Variants in POFUT1 observed in about 807,000 individuals in gnomAD.
POFUT1 encodes the protein GDP-fucose protein O-fucosyltransferase 1.
Under a neutral mutation model 42.4 loss-of-function variants are expected in POFUT1, and 16 were observed. The ratio of observed to expected loss-of-function variants is 0.38; its 90% CI spans 0.26 to 0.57. The LOEUF is 0.57. Ranked by LOEUF, POFUT1 falls within the 20% of genes least tolerant of loss-of-function variation. The pLI, the probability that POFUT1 is intolerant of heterozygous loss-of-function variation, is 0.71. For synonymous variants in POFUT1, 206 were observed against 205.4 expected (o/e 1.00, Z -0.03); for missense variants, 470 against 504.6 (o/e 0.93, Z 0.66).
chr20:32,215,720 A>G (rs141599966), intron 3 of POFUT1, among the ~76,000 whole-genome samples: 3 of 152,312 alleles, frequency 2.0e-5, no homozygotes, highest in Admixed American at 1.3e-4. Context: ...GCCAGGTGAA[A>G]AAGTGCTTGT....
At chr20:32,233,188 T>G (rs1275221128) in intron 6 of POFUT1, among the ~76,000 whole-genome samples, 2 of 150,914 alleles carry the variant, frequency 1.3e-5, no homozygotes, top group African/African-American at 4.9e-5. Context: ...CACTAAGGAG[T>G]GGAAACTATA....
chr20:32,224,315 C>T (rs1158228475), intron 4 of POFUT1, among the ~76,000 whole-genome samples: 3 of 151,244 alleles, frequency 2.0e-5, no homozygotes, highest in East Asian at 3.9e-4. Flanking sequence ...TCACTTGAAC[C>T]TGGGAGGCGG....
At position 32,237,861 on chromosome 20, in the gene POFUT1, C is replaced by T. The variant is rs183492011; in HGVS notation, c.*3200C>T. On this transcript the variant is annotated 3_prime_UTR_variant, in exon 7 of 7. Transcript: ENST00000375749. Reference sequence around the variant, plus strand: ...GCCCTCCTCTCCCAAGAGACAAAGGCCATTGCATTGAAGGAGGTGGGAAAT... The same window carrying T: ...GCCCTCCTCTCCCAAGAGACAAAGGTCATTGCATTGAAGGAGGTGGGAAAT... 1.9e-6 allele frequency: 1 copy of T among 533,750 alleles called. No individual in the cohort carries two copies. Among genetic ancestry groups the T allele is most frequent in the Admixed American group, 1.9e-5 (1 of 51,476 alleles). 33.1% of individuals were successfully genotyped at this position (533,750 alleles called of 1,614,324 possible).
At position 32,216,680 on chromosome 20, in the gene POFUT1, C is replaced by G. The variant is rs1483185928; in HGVS notation, c.501C>G (p.Gly167=). 1 of 1,613,464 alleles carries G rather than the reference C, an allele frequency of 6.2e-7. No individual in the cohort carries two copies. The highest frequency in any genetic ancestry group is 8.5e-7 in the Non-Finnish European group (1 of 1,179,492). The change falls in exon 4 of 7, where the codon GGC becomes GGG. Residue 167 remains glycine, a synonymous_variant. Coordinates refer to ENST00000375749, the MANE Select transcript of POFUT1 (RefSeq NM_015352.2). ...VSFNKSELFT[G]ISFSASYREQ... ...TCAACAAGTCGGAGCTTTTTACAGG[C>G]ATTTCCTTCAGTGCTTCCTACAGAG...
intron 2 of POFUT1, among the ~76,000 whole-genome samples, chr20:32,211,878 C>T (rs2047331054): frequency 6.6e-6 from 1 of 152,224 alleles, no homozygotes; most frequent in East Asian, 1.9e-4. Flanking sequence ...GTCCCTGCTA[C>T]AATCTAACCT....
chr20:32,220,281 G>C (rs1279890223), intron 4 of POFUT1, among the ~76,000 whole-genome samples: 1 of 152,228 alleles, frequency 6.6e-6, no homozygotes, highest in African/African-American at 2.4e-5. Flanking sequence ...TCAGCTGTCA[G>C]CTAGGGCTCA....
At chr20:32,218,637 C>T (rs2047374720) in intron 4 of POFUT1, among the ~76,000 whole-genome samples, 1 of 152,158 alleles carries the variant, frequency 6.6e-6, no homozygotes, top group African/African-American at 2.4e-5. Flanking sequence ...GCATGGTTCT[C>T]CCCCATTCAC....
chr20:32,222,641 G>A (rs974013710), intron 4 of POFUT1: 4 of 985,270 alleles, frequency 4.1e-6, no homozygotes, highest in African/African-American at 1.7e-5. Context: ...AGGCTGCCAC[G>A]TATCCAGCTG....
intron 3 of POFUT1, among the ~76,000 whole-genome samples, chr20:32,216,026 G>A (rs1197618695): frequency 1.3e-5 from 2 of 152,178 alleles, no homozygotes; most frequent in African/African-American, 4.8e-5. Flanking sequence ...CTGCATCTCA[G>A]CAGGTAAATG....
In POFUT1 at chr20:32,234,584, C is replaced by T. The variant is rs1165070275; in HGVS notation, c.1090C>T (p.Arg364Trp). 7.4e-6 allele frequency: 12 copies of T among 1,614,010 alleles called. No individual in the cohort carries two copies. Among genetic ancestry groups the T allele is most frequent in the East Asian group, 2.2e-5 (1 of 44,900 alleles). The stretch of plus-strand genomic sequence containing the variant: ...CTCCTCCTTCACTGCCTTTGTGAAG[C>T]GGGAGCGGGACCTCCAGGGGAGGCC... Reference protein sequence around the residue: ...CVSSFTAFVKRERDLQGRPSS... With the variant: ...CVSSFTAFVKWERDLQGRPSS... Residue 364 changes from arginine to tryptophan, a missense_variant, in exon 7 of 7, where the codon CGG becomes TGG. Coordinates refer to ENST00000375749, the MANE Select transcript of POFUT1 (RefSeq NM_015352.2).
chr20:32,211,519 C>T (rs1430112759), intron 2 of POFUT1, among the ~76,000 whole-genome samples: 1 of 152,144 alleles, frequency 6.6e-6, no homozygotes, highest in Non-Finnish European at 1.5e-5. Context: ...ATGTGCCTGC[C>T]TTGGCCTCCC....
chr20:32,216,205 G>A (rs1471003972), intron 3 of POFUT1, among the ~76,000 whole-genome samples: 1 of 152,180 alleles, frequency 6.6e-6, no homozygotes, highest in Non-Finnish European at 1.5e-5. Context: ...TGCCCTTACT[G>A]GCTGTGTAAC....
intron 1 of POFUT1, 101 bp from the exon 2 acceptor site, chr20:32,209,970 C>A: frequency 7.7e-7 from 1 of 1,306,232 alleles, no homozygotes; most frequent in Non-Finnish European, 1.1e-6. Flanking sequence ...TCCTTGGTAT[C>A]CCTGACTTTC....
At chr20:32,227,660 G>T (rs1319791388) in intron 4 of POFUT1, among the ~76,000 whole-genome samples, 1 of 152,248 alleles carries the variant, frequency 6.6e-6, no homozygotes, top group African/African-American at 2.4e-5. Flanking sequence ...GACTGTGTAT[G>T]AGGGGGAAGC....
chr20:32,216,567 T>A, intron 3 of POFUT1, 42 bp from the exon 4 acceptor site: 1 of 1,306,382 alleles, frequency 7.7e-7, no homozygotes, highest in Non-Finnish European at 1.1e-6. Context: ...CAAATGGCTT[T>A]CCCTCCCCAT....
At chr20:32,220,401 G>A (rs1466881047) in intron 4 of POFUT1, among the ~76,000 whole-genome samples, 1 of 152,242 alleles carries the variant, frequency 6.6e-6, no homozygotes. Context: ...AAAGTGCTGG[G>A]ATTACATCAT....
chr20:32,229,139 C>T (rs1189062969), intron 5 of POFUT1, among the ~76,000 whole-genome samples: 1 of 152,204 alleles, frequency 6.6e-6, no homozygotes, highest in Admixed American at 6.5e-5. Context: ...ATGAGTGGCT[C>T]CAACCAGACA....
rs1463218729 is a variant in POFUT1 at position 32,237,785 on chromosome 20, G to C, written c.*3124G>C. ...AGACCAGTGCAGGGCTGTTAACAGG[G>C]TTGCAGGCGAGAGACTGGGGTGCTG... On this transcript the variant is annotated 3_prime_UTR_variant, in exon 7 of 7. Transcript: ENST00000375749. The C allele has an allele frequency of 7.5e-6, 4 of 534,626 alleles. No homozygotes were observed. Among genetic ancestry groups the C allele is most frequent in the Admixed American group, 3.9e-5 (2 of 51,582 alleles). 33.1% of individuals were successfully genotyped at this position (534,626 alleles called of 1,614,324 possible).
chr20:32,207,898 C>G lies in POFUT1; in HGVS notation c.-44C>G, dbSNP rs1273518511. On this transcript the variant is annotated 5_prime_UTR_variant, in exon 1 of 7. Transcript: ENST00000375749. ...GGCGGGCGCTCGCGTCCCTCCTTCC[C>G]TCCCCGACTGTGCGCCGCGGCTGGC... 7 of 1,544,544 alleles carry G rather than the reference C, an allele frequency of 4.5e-6. No homozygotes were observed. Among genetic ancestry groups the G allele is most frequent in the Non-Finnish European group, 6.1e-6 (7 of 1,154,082 alleles).
Sources: gnomAD v4.1 joint callset for allele counts (sites outside exome capture counted in the v4.1 genomes callset) on GRCh38, gnomAD v4.1.1 for gene constraint, MANE v1.5 for transcripts, NCBI Gene and HGNC (gene_info 2026-07-23, HGNC 2026-07-21) for gene names.